ANO2: variants seen among roughly 807,000 people sequenced by gnomAD.
ANO2 encodes the protein anoctamin-2.
In ANO2, 101 loss-of-function variants were observed where a neutral mutation model predicts 124.2. The observed-to-expected ratio is 0.81, with a 90% confidence interval of 0.69 to 0.96. ANO2 has a LOEUF of 0.96. ANO2 is among the 40% of genes least tolerant of loss of function. The pLI, the probability that ANO2 is intolerant of heterozygous loss-of-function variation, is 0.00. For missense variants in ANO2, 1,293 were observed against 1,274.5 expected, an observed-to-expected ratio of 1.01 and a Z score of -0.22; for synonymous variants, 486 against 482.5, an observed-to-expected ratio of 1.01 and a Z score of -0.09.
At chr12:5,614,111 G>A (rs771190740) in intron 17 of ANO2, among the ~76,000 whole-genome samples, 13 of 152,168 alleles carry the variant, frequency 8.5e-5, no homozygotes, top group South Asian at 4.1e-4. Flanking sequence ...GTTGGTTGAC[G>A]CCTATTGGGA....
At chr12:5,840,736 C>T (rs1351119527) in intron 4 of ANO2, among the ~76,000 whole-genome samples, 5 of 152,182 alleles carry the variant, frequency 3.3e-5, no homozygotes, top group African/African-American at 9.7e-5. Context: ...AAGAACAGAA[C>T]GTGTGCTGCA....
intron 8 of ANO2, among the ~76,000 whole-genome samples, chr12:5,806,931 A>G (rs1953214393): frequency 6.6e-6 from 1 of 152,202 alleles, no homozygotes; most frequent in Non-Finnish European, 1.5e-5. Context: ...CAGGTTAGGG[A>G]TTACTCACGC....
intron 14 of ANO2, among the ~76,000 whole-genome samples, chr12:5,727,252 C>A (rs11063839): frequency 0.12 from 18,142 of 151,892 alleles, 1,240 homozygotes; most frequent in East Asian, 0.22. Flanking sequence ...GCACCACCTC[C>A]CCTATAACTC....
chr12:5,845,205 C>T (rs1302881511), intron 4 of ANO2, among the ~76,000 whole-genome samples: 1 of 151,664 alleles, frequency 6.6e-6, no homozygotes, highest in Non-Finnish European at 1.5e-5. Flanking sequence ...GTCAAGGTTG[C>T]AATAAACCGT....
chr12:5,675,031 AG>A (rs1262150916), intron 14 of ANO2, among the ~76,000 whole-genome samples: 2 of 152,224 alleles, frequency 1.3e-5, no homozygotes, highest in Middle Eastern at 6.8e-3. Context: ...TCCATAGAAT[AG>A]GGGGGTTGCC....
chr12:5,931,463 A>T (rs1942380359), intron 1 of ANO2, among the ~76,000 whole-genome samples: 1 of 152,082 alleles, frequency 6.6e-6, no homozygotes, highest in African/African-American at 2.4e-5. Context: ...AGCCCTGGGT[A>T]ATCACAAGGA....
chr12:5,633,702 A>G (rs570024821), intron 16 of ANO2, among the ~76,000 whole-genome samples: 6 of 152,160 alleles, frequency 3.9e-5, no homozygotes, highest in South Asian at 2.1e-4. Flanking sequence ...CATCCTGCGT[A>G]CACTTCATGC....
intron 15 of ANO2, among the ~76,000 whole-genome samples, chr12:5,642,872 T>C (rs903596902): frequency 2.0e-5 from 3 of 152,204 alleles, no homozygotes; most frequent in Admixed American, 6.5e-5. Context: ...ATTGCTCCCC[T>C]TGGGCTTTTT....
intron 7 of ANO2, among the ~76,000 whole-genome samples, chr12:5,812,395 G>A (rs1284821364): frequency 2.8e-5 from 4 of 142,030 alleles, no homozygotes; most frequent in Admixed American, 7.1e-5. Flanking sequence ...AAGAAGGGAA[G>A]GAAGGAAGGA....
chr12:5,874,463 A>T (rs996402620), intron 3 of ANO2, among the ~76,000 whole-genome samples: 1 of 152,136 alleles, frequency 6.6e-6, no homozygotes, highest in Non-Finnish European at 1.5e-5. Context: ...TTGGTGCTTC[A>T]TATTCAATCA....
At chr12:5,621,233 A>T (rs1449614384) in intron 16 of ANO2, among the ~76,000 whole-genome samples, 3 of 152,218 alleles carry the variant, frequency 2.0e-5, no homozygotes, top group Non-Finnish European at 4.4e-5. Flanking sequence ...TCTTCCAGGC[A>T]GACCCCAGCT....
intron 23 of ANO2, among the ~76,000 whole-genome samples, chr12:5,566,114 C>G (rs3782581): frequency 0.23 from 34,935 of 152,062 alleles, 4,860 homozygotes; most frequent in Middle Eastern, 0.34. Flanking sequence ...CAGTCTTGGG[C>G]TTCTTCCCCT....
chr12:5,793,282 C>A (rs148125822), intron 10 of ANO2, among the ~76,000 whole-genome samples: 320 of 152,078 alleles, frequency 2.1e-3, no homozygotes, highest in African/African-American at 6.8e-3. Context: ...TAAGGTGCTC[C>A]CTATTCCAAG....
intron 9 of ANO2, 22 bp downstream of exon 9, chr12:5,806,030 A>T (rs1220122962): frequency 2.5e-6 from 4 of 1,612,854 alleles, no homozygotes; most frequent in Non-Finnish European, 3.4e-6. Flanking sequence ...AAAGTCCAGG[A>T]TGCTGCACGA....
intron 15 of ANO2, among the ~76,000 whole-genome samples, chr12:5,643,087 C>G (rs569974706): frequency 2.0e-4 from 30 of 151,432 alleles, no homozygotes; most frequent in African/African-American, 7.3e-4. Context: ...CACACACACA[C>G]AATGAATAAA....
Position 5,780,825 on chromosome 12 carries a change from C to G in ANO2, c.1055+18682G>C, listed in dbSNP as rs1195195786. Among the ~76,000 whole-genome samples, 5 of 152,008 alleles carry G rather than the reference C, an allele frequency of 3.3e-5. No individual in the cohort carries two copies. The East Asian group carries it at 9.6e-4, about 29-fold the overall frequency. On this transcript the variant is annotated intron_variant, in intron 10 of 24. Transcript: ENST00000682330. ...TATATTTTGAAGGAGGCCCTGAATA[C>G]AAGAATAAATCTGTTCCTGGAAACA...
intron 10 of ANO2, among the ~76,000 whole-genome samples, chr12:5,756,090 A>G (rs1362398795): frequency 6.6e-6 from 1 of 151,882 alleles, no homozygotes; most frequent in Non-Finnish European, 1.5e-5. Context: ...ATTTCAAATG[A>G]CTTGTCTTTA....
chr12:5,588,616 G>A (rs1231077525), intron 20 of ANO2, among the ~76,000 whole-genome samples: 3 of 152,160 alleles, frequency 2.0e-5, no homozygotes, highest in Admixed American at 1.3e-4. Flanking sequence ...TTCCTGTCAA[G>A]ACACTCAATG....
intron 14 of ANO2, among the ~76,000 whole-genome samples, chr12:5,649,592 G>C (rs1946812183): frequency 1.3e-5 from 2 of 152,174 alleles, no homozygotes; most frequent in South Asian, 4.1e-4. Context: ...ACACACTAAA[G>C]TTTTCCTTAA....
Sources: allele counts gnomAD v4.1 joint callset (sites outside exome capture counted in the v4.1 genomes callset), GRCh38; gene constraint gnomAD v4.1.1; transcripts MANE v1.5; gene names NCBI Gene and HGNC (gene_info 2026-07-23, HGNC 2026-07-21).